SHISA9: variants seen among roughly 807,000 people sequenced by gnomAD.
The protein encoded by SHISA9 is shisa family member 9.
In SHISA9, 13 loss-of-function variants were observed where a neutral mutation model predicts 38.0. That is an observed-to-expected ratio of 0.34 (90% confidence interval 0.22 to 0.54). The LOEUF is 0.54. Ranked by LOEUF, SHISA9 falls within the 20% of genes least tolerant of loss-of-function variation. The pLI is 0.91. For synonymous variants in SHISA9, 275 were observed against 242.0 expected (o/e 1.14, Z -1.27); for missense variants, 538 against 575.8 (o/e 0.93, Z 0.67).
the SHISA9 span, among the ~76,000 whole-genome samples, chr16:13,294,800 G>C: frequency 6.6e-6 from 1 of 152,180 alleles, no homozygotes; most frequent in African/African-American, 2.4e-5. Context: ...TGAGTGGGAA[G>C]CATAATTAAA....
chr16:13,110,568 C>T (rs1404888889), intron 2 of SHISA9, among the ~76,000 whole-genome samples: 2 of 152,056 alleles, frequency 1.3e-5, no homozygotes, highest in Non-Finnish European at 2.9e-5. Flanking sequence ...TCTATTTCAA[C>T]ATCCAAAAAA....
At chr16:13,338,963 C>T in the SHISA9 span, among the ~76,000 whole-genome samples, 1 of 152,132 alleles carries the variant, frequency 6.6e-6, no homozygotes, top group East Asian at 1.9e-4. Flanking sequence ...TTCATGGCCT[C>T]TTGGTACATG....
At chr16:13,300,188 C>T in the SHISA9 span, among the ~76,000 whole-genome samples, 1 of 152,166 alleles carries the variant, frequency 6.6e-6, no homozygotes, top group Non-Finnish European at 1.5e-5. Flanking sequence ...CTTTCCCTTT[C>T]TTCTTCCCTC....
At chr16:13,505,511 T>A in the SHISA9 span, among the ~76,000 whole-genome samples, 2 of 152,218 alleles carry the variant, frequency 1.3e-5, no homozygotes, top group African/African-American at 4.8e-5. Flanking sequence ...TTACCAAGAT[T>A]TTCAAGTGTA....
At chr16:13,544,767 A>C in the SHISA9 span, among the ~76,000 whole-genome samples, 1 of 151,710 alleles carries the variant, frequency 6.6e-6, no homozygotes, top group Admixed American at 6.6e-5. Flanking sequence ...ACATGGTGAA[A>C]CCCTGTCTTT....
chr16:13,216,207 G>A (rs432907), intron 4 of SHISA9, among the ~76,000 whole-genome samples: 101 of 50,336 alleles, frequency 2.0e-3, no homozygotes, highest in Non-Finnish European at 2.5e-3. Flanking sequence ...AAAAAAAAAA[G>A]AGAGAGACAA....
intron 2 of SHISA9, among the ~76,000 whole-genome samples, chr16:13,101,042 C>T (rs186402016): frequency 1.3e-5 from 2 of 152,272 alleles, no homozygotes; most frequent in South Asian, 2.1e-4. Context: ...ATTCATGCAA[C>T]GTTTGTCTTT....
chr16:13,041,089 AGGGGTGC>A (rs1351817571), intron 2 of SHISA9, among the ~76,000 whole-genome samples: 2 of 152,226 alleles, frequency 1.3e-5, no homozygotes, highest in Non-Finnish European at 2.9e-5. Context: ...GCTAAGTACC[AGGGGTGC>A]AGCACTGAAC....
the SHISA9 span, among the ~76,000 whole-genome samples, chr16:13,551,477 T>C: frequency 6.6e-6 from 1 of 152,166 alleles, no homozygotes; most frequent in Admixed American, 6.5e-5. Context: ...AGTTACAAAG[T>C]ACATACATAT....
At chr16:12,971,538 C>G (rs918450293) in intron 2 of SHISA9, among the ~76,000 whole-genome samples, 1 of 152,224 alleles carries the variant, frequency 6.6e-6, no homozygotes, top group Non-Finnish European at 1.5e-5. Context: ...TGCTGCATAA[C>G]TGGGGAGGCA....
chr16:13,364,325 A>G, the SHISA9 span, among the ~76,000 whole-genome samples: 1 of 152,194 alleles, frequency 6.6e-6, no homozygotes, highest in Admixed American at 6.5e-5. Context: ...AGGAAAAGCA[A>G]TTGTCTCTGC....
At chr16:12,947,649 T>C (rs945521051) in intron 2 of SHISA9, among the ~76,000 whole-genome samples, 16 of 152,172 alleles carry the variant, frequency 1.1e-4, no homozygotes, top group African/African-American at 3.4e-4. Flanking sequence ...GCTATTTTTG[T>C]CAAAGGAGAA....
chr16:13,340,189 C>T, the SHISA9 span, among the ~76,000 whole-genome samples: 1 of 152,190 alleles, frequency 6.6e-6, no homozygotes, highest in Non-Finnish European at 1.5e-5. Context: ...TCAAGATTAT[C>T]TCTCATTTTA....
At chr16:13,422,450 C>T in the SHISA9 span, among the ~76,000 whole-genome samples, 1 of 152,260 alleles carries the variant, frequency 6.6e-6, no homozygotes, top group African/African-American at 2.4e-5. Context: ...AATCCCAGTG[C>T]TTTCAGAGGG....
chr16:13,386,219 A>T, the SHISA9 span, among the ~76,000 whole-genome samples: 2 of 152,340 alleles, frequency 1.3e-5, no homozygotes, highest in East Asian at 3.9e-4. Context: ...ATTTTGCATA[A>T]TGTTATCATT....
At chr16:13,173,042 T>A (rs1158706114) in intron 2 of SHISA9, among the ~76,000 whole-genome samples, 5 of 152,214 alleles carry the variant, frequency 3.3e-5, no homozygotes, top group Admixed American at 6.5e-5. Flanking sequence ...CCCGATAATG[T>A]CCCTTTTATC....
At chr16:13,491,382 CT>C in the SHISA9 span, among the ~76,000 whole-genome samples, 36,501 of 141,624 alleles carry the variant, frequency 0.26, 4,665 homozygotes, top group East Asian at 0.39. Context: ...TTTTCAGAGC[CT>C]TTTTTTTTTT....
At chr16:13,098,464 T>C (rs2073848187) in intron 2 of SHISA9, among the ~76,000 whole-genome samples, 1 of 152,200 alleles carries the variant, frequency 6.6e-6, no homozygotes, top group African/African-American at 2.4e-5. Flanking sequence ...CTTTTCTCAG[T>C]CTTGCTGGCC....
At chr16:13,011,959 G>A (rs571624937) in intron 2 of SHISA9, among the ~76,000 whole-genome samples, 8 of 152,206 alleles carry the variant, frequency 5.3e-5, no homozygotes, top group African/African-American at 1.9e-4. Context: ...CCGAGTAGCT[G>A]GAACTACAGG....
Sources: gnomAD v4.1 joint callset for allele counts (sites outside exome capture counted in the v4.1 genomes callset) on GRCh38, gnomAD v4.1.1 for gene constraint, MANE v1.5 for transcripts, NCBI Gene and HGNC (gene_info 2026-07-23, HGNC 2026-07-21) for gene names.